Variants in MVB12B observed in about 807,000 individuals in gnomAD.
MVB12B encodes the protein multivesicular body subunit 12B, also known as ESCRT-I complex subunit MVB12B.
Under a neutral mutation model 41.6 loss-of-function variants are expected in MVB12B, and 16 were observed. The ratio of observed to expected loss-of-function variants is 0.38; its 90% CI spans 0.26 to 0.58. The LOEUF is 0.58. Among genes scored for constraint, MVB12B ranks in the 20% least tolerant of loss-of-function variants. The pLI is 0.62. For synonymous variants in MVB12B, 133 were observed against 139.7 expected (o/e 0.95, Z 0.34); for missense variants, 274 against 380.2 (o/e 0.72, Z 2.32).
rs1356201660 is a variant in MVB12B, at chr9:126,413,868, A to G, written c.663-7986A>G. ...TGTGTGTGTGTATAAGGGTTGGGAG[A>G]TCAAAGTGGCAGGTGCCTCTGACTA... is the stretch of plus-strand genomic sequence containing the variant. On this transcript the variant is annotated intron_variant, in intron 6 of 9. Transcript: ENST00000361171. 3.1e-5 allele frequency among the ~76,000 whole-genome samples: 4 copies of G among 127,672 alleles called. No individual in the cohort carries two copies. The East Asian group carries it at 7.0e-4, about 22-fold the overall frequency. 83.8% of individuals were successfully genotyped at this position (127,672 alleles called of 152,430 possible).
At chr9:126,422,520 T>C (rs908975568) in intron 7 of MVB12B, among the ~76,000 whole-genome samples, 2 of 152,212 alleles carry the variant, frequency 1.3e-5, no homozygotes, top group African/African-American at 4.8e-5. Context: ...ACAAGCCTTA[T>C]TACAGAATTG....
rs1216656683 is a variant in MVB12B at position 126,376,583 on chromosome 9, C to A, written c.205-4481C>A. ...CCTGGCGCTTTCCAGAGACAAAGCC[C>A]TCAGTGTCCAGTGTTCAGGGGAGGC... On this transcript the variant is annotated intron_variant, in intron 2 of 9. Coordinates refer to ENST00000361171, the MANE Select transcript of MVB12B (RefSeq NM_033446.3). This position sits in a 1 kb window ranked among gnomAD's most constrained non-coding sequence, Gnocchi z 4.1. 7.8e-7 allele frequency: 1 copy of A among 1,289,416 alleles called. No homozygotes were observed. The highest frequency in any genetic ancestry group is 1.0e-6 in the Non-Finnish European group (1 of 988,888). The allele number at this position is 1,289,416 out of a possible 1,614,324, so 79.9% of individuals were successfully genotyped here.
At chr9:126,394,853 A>G (rs974081675) in intron 5 of MVB12B, among the ~76,000 whole-genome samples, 3 of 152,242 alleles carry the variant, frequency 2.0e-5, no homozygotes, top group Admixed American at 6.5e-5. Context: ...TCTGTGGGCA[A>G]CTGGGAAGTT....
intron 2 of MVB12B, among the ~76,000 whole-genome samples, chr9:126,366,478 C>T (rs1830185204): frequency 6.6e-6 from 1 of 152,150 alleles, no homozygotes; most frequent in Non-Finnish European, 1.5e-5. Flanking sequence ...ATTGTCCACA[C>T]TTTAACTGTG....
Position 126,412,430 on chromosome 9 carries a change from T to C in MVB12B, c.663-9424T>C, listed in dbSNP as rs530011800. Among the ~76,000 whole-genome samples the C allele has an allele frequency of 6.0e-4, 91 of 152,302 alleles. 1 individual carries two copies. Among genetic ancestry groups the C allele is most frequent in the African/African-American group, 2.1e-3 (87 of 41,550 alleles). ...GCCCCCACAATCCATTCCTCTCCTT[T>C]GTACATGACCTCTGGTCTTTGTCCA... On this transcript the variant is annotated intron_variant, in intron 6 of 9. Coordinates refer to ENST00000361171, the MANE Select transcript of MVB12B (RefSeq NM_033446.3).
Position 126,351,411 on chromosome 9 carries a change from A to G in MVB12B, c.204+10781A>G, listed in dbSNP as rs58861917. Among the ~76,000 whole-genome samples, 225 of 147,682 alleles carry G rather than the reference A, an allele frequency of 1.5e-3. 1 individual carries two copies. The highest frequency in any genetic ancestry group is 5.5e-3 in the African/African-American group (221 of 39,962). The stretch of plus-strand genomic sequence containing the variant: ...TGCAAAGGATAGAACATCTAGCACT[A>G]TGTTACCTGTGAGAGAGTAGACCTT... On this transcript the variant is annotated intron_variant, in intron 2 of 9. Transcript: ENST00000361171.
chr9:126,337,782 G>C (rs1829324405), intron 1 of MVB12B, among the ~76,000 whole-genome samples: 1 of 152,208 alleles, frequency 6.6e-6, no homozygotes, highest in African/African-American at 2.4e-5. Context: ...AGGAGCTGTT[G>C]ATACAACCTG....
chr9:126,492,505 A>T (rs2119224123), intron 9 of MVB12B, among the ~76,000 whole-genome samples: 1 of 151,842 alleles, frequency 6.6e-6, no homozygotes, highest in East Asian at 1.9e-4. Context: ...TCTAGCTAAG[A>T]CTCACTGGGA....
intron 9 of MVB12B, among the ~76,000 whole-genome samples, chr9:126,500,488 A>T (rs1353961059): frequency 6.6e-6 from 1 of 151,790 alleles, no homozygotes; most frequent in Non-Finnish European, 1.5e-5. Flanking sequence ...GGTTCCAGTG[A>T]TTGGGTCGTA....
At position 126,391,971 on chromosome 9, in the gene MVB12B, G is replaced by A. The variant is rs574217060; in HGVS notation, c.410-95G>A. The A allele has an allele frequency of 1.4e-6, 2 of 1,450,674 alleles. No individual in the cohort carries two copies. Among genetic ancestry groups the A allele is most frequent in the African/African-American group, 1.4e-5 (1 of 71,702 alleles). 89.9% of individuals were successfully genotyped at this position (1,450,674 alleles called of 1,614,324 possible). A position where few individuals can be genotyped will look rare whatever the true frequency, so the allele number is the denominator to read the frequency against. On this transcript the variant is annotated intron_variant, in intron 4 of 9. Coordinates refer to ENST00000361171, the MANE Select transcript of MVB12B (RefSeq NM_033446.3). This position sits in a 1 kb window ranked among gnomAD's most constrained non-coding sequence, Gnocchi z 4.4. ...GCTTAGGTGACCTGCCACTTCTGCT[G>A]CCAGGAATAGGGCGTGACAGGGGAT...
At chr9:126,398,094 G>T (rs934345592) in intron 6 of MVB12B, among the ~76,000 whole-genome samples, 1 of 151,968 alleles carries the variant, frequency 6.6e-6, no homozygotes, top group African/African-American at 2.4e-5. Flanking sequence ...CTTTGCTCCC[G>T]GTGCTCCCTG....
chr9:126,481,621 G>C (rs929382792), intron 8 of MVB12B, among the ~76,000 whole-genome samples, 197 bp downstream of exon 8: 4 of 152,152 alleles, frequency 2.6e-5, no homozygotes, highest in South Asian at 2.1e-4. Flanking sequence ...CCTGAGGTTG[G>C]GGGGTGGGTC....
At chr9:126,338,554 ATAG>A (rs1829351420) in intron 1 of MVB12B, among the ~76,000 whole-genome samples, 3 of 149,264 alleles carry the variant, frequency 2.0e-5, no homozygotes, top group South Asian at 4.3e-4. Flanking sequence ...TCTCTCTCTG[ATAG>A]TAGAGGCCAT....
At chr9:126,369,478 T>C (rs1272505527) in intron 2 of MVB12B, among the ~76,000 whole-genome samples, 1 of 152,232 alleles carries the variant, frequency 6.6e-6, no homozygotes, top group Admixed American at 6.5e-5. Context: ...GAAAACATTA[T>C]TGATGCCCAT....
chr9:126,365,364 G>A lies in MVB12B; in HGVS notation c.205-15700G>A, dbSNP rs140934227. 6.5e-3 allele frequency among the ~76,000 whole-genome samples: 839 copies of A among 129,402 alleles called. 11 individuals are homozygous for A. Among genetic ancestry groups the A allele is most frequent in the African/African-American group, 0.024 (789 of 33,364 alleles). The allele number at this position is 129,402 out of a possible 152,430, so 84.9% of individuals were successfully genotyped here. A position where few individuals can be genotyped will look rare whatever the true frequency, so the allele number is the denominator to read the frequency against. ...TTTTTTTTTTAAGAGACAGAGTCTC[G>A]CTCTGTTGCCCAGGCTGGAGTGCAA... On this transcript the variant is annotated intron_variant, in intron 2 of 9. Transcript: ENST00000361171.
At chr9:126,336,189 G>A (rs1015336208) in intron 1 of MVB12B, among the ~76,000 whole-genome samples, 2 of 152,250 alleles carry the variant, frequency 1.3e-5, no homozygotes, top group African/African-American at 2.4e-5. Context: ...AGCTTTGTTA[G>A]TTGGGTTTTG....
Position 126,413,845 on chromosome 9 carries a change from T to TG in MVB12B, c.663-8008dup, listed in dbSNP as rs1554776226. On this transcript the variant is annotated intron_variant, in intron 6 of 9. Transcript: ENST00000361171. ...GTGTGTGTGTGTGTGTGTGTGTGTG[T>TG]GTGTGTGTATAAGGGTTGGGAGATC... 1.3e-3 allele frequency among the ~76,000 whole-genome samples: 175 copies of TG among 139,326 alleles called. 1 individual carries two copies. Among genetic ancestry groups the TG allele is most frequent in the Admixed American group, 5.5e-3 (73 of 13,226 alleles). 91.4% of individuals were successfully genotyped at this position (139,326 alleles called of 152,430 possible). A position where few individuals can be genotyped will look rare whatever the true frequency, so the allele number is the denominator to read the frequency against.
intron 6 of MVB12B, among the ~76,000 whole-genome samples, chr9:126,419,317 A>G (rs1831927478): frequency 6.6e-6 from 1 of 152,116 alleles, no homozygotes; most frequent in Admixed American, 6.5e-5. Flanking sequence ...TATAGCACCT[A>G]CCCTGGATCC....
chr9:126,374,079 G>T (rs1429823072), intron 2 of MVB12B, among the ~76,000 whole-genome samples: 1 of 152,204 alleles, frequency 6.6e-6, no homozygotes. Context: ...TCAAATGGCT[G>T]TTGAGTCTTC....
Sources: allele counts gnomAD v4.1 joint callset (sites outside exome capture counted in the v4.1 genomes callset), GRCh38; gene constraint gnomAD v4.1.1; non-coding constraint Gnocchi (gnomAD v3.1); transcripts MANE v1.5; gene names NCBI Gene and HGNC (gene_info 2026-07-23, HGNC 2026-07-21).